RETREG2: variants seen among roughly 807,000 people sequenced by gnomAD.
RETREG2 encodes the protein reticulophagy regulator family member 2, also known as reticulophagy regulator 2.
A neutral mutation model predicts 51.6 loss-of-function variants in RETREG2; 21 were observed. The ratio of observed to expected loss-of-function variants is 0.41; its 90% CI spans 0.29 to 0.59. The LOEUF (loss-of-function observed/expected upper bound fraction) is 0.59. RETREG2 is among the 20% of genes least tolerant of loss of function. The pLI is 0.34. For synonymous variants in RETREG2, 339 were observed against 288.6 expected (o/e 1.17, Z -1.77); for missense variants, 674 against 646.0 (o/e 1.04, Z -0.47).
In RETREG2 at chr2:219,184,773, C is replaced by G. The variant is rs1023626873; in HGVS notation, c.*2144C>G. The G allele has an allele frequency of 1.3e-4, 19 of 149,824 alleles. No homozygotes were observed. Among genetic ancestry groups the G allele is most frequent in the Middle Eastern group, 3.4e-3 (1 of 290 alleles). 9.3% of individuals were successfully genotyped at this position (149,824 alleles called of 1,614,324 possible). On this transcript the variant is annotated 3_prime_UTR_variant, in exon 9 of 9. Coordinates refer to ENST00000430297, the MANE Select transcript of RETREG2 (RefSeq NM_024293.6). ...AATATTCTCCATAGGCCTGGAGTTT[C>G]ATGAGGGTCTATTCTTTTGTTGTTG... is the stretch of plus-strand genomic sequence containing the variant.
At chr2:219,178,848 C>T (rs1218119011) in intron 1 of RETREG2, 74 bp from the exon 2 acceptor site, 1 of 1,199,828 alleles carries the variant, frequency 8.3e-7, no homozygotes, top group Non-Finnish European at 1.2e-6. Flanking sequence ...TCAGTAGGCG[C>T]CTTTCCACCT....
At position 219,182,260 on chromosome 2, in the gene RETREG2, A is replaced by G. The variant is rs1432257023; in HGVS notation, c.1263A>G (p.Gly421=). The change falls in exon 9 of 9, where the codon GGA becomes GGG. Residue 421 remains glycine (G), a synonymous_variant. Coordinates refer to ENST00000430297, the MANE Select transcript of RETREG2 (RefSeq NM_024293.6). The part of the protein sequence containing the change: ...HFNGAGSPPD[G]VKCSPGGPVE... ...ATGGGGCAGGGTCCCCCCCAGATGG[A>G]GTGAAATGCTCCCCTGGAGGACCAG... 1.9e-6 allele frequency: 3 copies of G among 1,613,828 alleles called. No individual in the cohort carries two copies. In the African/African-American group the frequency reaches 4.0e-5, roughly 22 times the overall value.
rs1354432378 is a variant in RETREG2 at position 219,180,149 on chromosome 2, T to G, written c.459T>G (p.Ser153Arg). Residue 153 changes from serine (S) to arginine (R), a missense_variant, in exon 4 of 9, where the codon AGT becomes AGG. Transcript: ENST00000430297. Reference sequence around the variant, plus strand: ...CAGGCGCCCGGCCGCACCTGCTGAGTGTGCCCGAGTTGTGCAGATACCTGG... The same window carrying G: ...CAGGCGCCCGGCCGCACCTGCTGAGGGTGCCCGAGTTGTGCAGATACCTGG... ...AGSGARPHLL[S>R]VPELCRYLAE... is the part of the protein sequence containing the mutation. 6.2e-7 allele frequency: 1 copy of G among 1,614,024 alleles called. No homozygotes were observed. Among genetic ancestry groups the G allele is most frequent in the Non-Finnish European group, 8.5e-7 (1 of 1,180,030 alleles).
intron 1 of RETREG2, 133 bp from the exon 2 acceptor site, chr2:219,178,789 A>T: frequency 8.7e-7 from 1 of 1,144,422 alleles, no homozygotes; most frequent in Non-Finnish European, 1.2e-6. Flanking sequence ...ATTTTTTTCT[A>T]TCTCTGAGTC....
At chr2:219,181,873 C>A (rs945837242) in intron 8 of RETREG2, 98 bp downstream of exon 8, 1 of 1,558,550 alleles carries the variant, frequency 6.4e-7, no homozygotes, top group Admixed American at 1.9e-5. Flanking sequence ...CTCTCTAATT[C>A]TCTCAGCTCC....
At position 219,183,697 on chromosome 2, in the gene RETREG2, A is replaced by G. The variant is rs1199909721; in HGVS notation, c.*1068A>G. 1.3e-5 allele frequency: 2 copies of G among 152,236 alleles called. No homozygotes were observed. The highest frequency in any genetic ancestry group is 6.5e-5 in the Admixed American group (1 of 15,282). 9.4% of individuals were successfully genotyped at this position (152,236 alleles called of 1,614,324 possible). A position where few individuals can be genotyped will look rare whatever the true frequency, so the allele number is the denominator to read the frequency against. ...TGTGATCTGTTTAGTGAGATTTAGC[A>G]TGTGTGAATAAAGTATATGCAGGAG... On this transcript the variant is annotated 3_prime_UTR_variant, in exon 9 of 9. Transcript: ENST00000430297.
intron 5 of RETREG2, 34 bp from the exon 6 acceptor site, chr2:219,181,028 T>G (rs577941543): frequency 1.2e-6 from 2 of 1,611,136 alleles, no homozygotes; most frequent in Admixed American, 1.7e-5. Context: ...GAAATTGGCG[T>G]AGGGAGCTCT....
At chr2:219,179,163 C>T (rs1190248914) in intron 2 of RETREG2, 135 bp downstream of exon 2, 6 of 737,760 alleles carry the variant, frequency 8.1e-6, no homozygotes, top group Admixed American at 2.0e-5. Context: ...CCTTTTTGTA[C>T]GGAATTCCCT....
In RETREG2 at chr2:219,182,058, G is replaced by A. The variant is rs1950286823; in HGVS notation, c.1061G>A (p.Ser354Asn). The A allele has an allele frequency of 3.1e-6, 5 of 1,614,140 alleles. No homozygotes were observed. The highest frequency in any genetic ancestry group is 3.4e-6 in the Non-Finnish European group (4 of 1,180,018). The change falls in exon 9 of 9, where the codon AGC becomes AAC. Residue 354 changes from serine to asparagine, a missense_variant. Coordinates refer to ENST00000430297, the MANE Select transcript of RETREG2 (RefSeq NM_024293.6). ...SLPSEPEETLSRDLGEGEEGE... is the reference protein window; with the variant it reads ...SLPSEPEETLNRDLGEGEEGE... The stretch of plus-strand genomic sequence containing the variant: ...CCAAGTGAACCAGAGGAGACCCTAA[G>A]CCGGGACCTAGGGGAGGGAGAGGAG...
chr2:219,179,859 T>C (rs1950251928), intron 3 of RETREG2, 96 bp downstream of exon 3: 8 of 1,363,580 alleles, frequency 5.9e-6, no homozygotes, highest in Non-Finnish European at 3.2e-6. Context: ...CCCAGCATTG[T>C]GAATGAACTG....
rs781593249 is a variant in RETREG2 at position 219,182,064 on chromosome 2, A to G, written c.1067A>G (p.Asp356Gly). 7 of 1,614,084 alleles carry G rather than the reference A, an allele frequency of 4.3e-6. No individual in the cohort carries two copies. The South Asian group carries it at 7.7e-5, about 18-fold the overall frequency. The stretch of plus-strand genomic sequence containing the variant: ...GAACCAGAGGAGACCCTAAGCCGGG[A>G]CCTAGGGGAGGGAGAGGAGGGAGAG... The part of the protein sequence containing the change: ...PSEPEETLSR[D>G]LGEGEEGELA... Residue 356 changes from aspartate (D) to glycine (G), a missense_variant, in exon 9 of 9, where the codon GAC becomes GGC. Transcript: ENST00000430297.
intron 4 of RETREG2, 59 bp from the exon 5 acceptor site, chr2:219,180,607 TACCC>T: frequency 6.2e-7 from 1 of 1,612,098 alleles, no homozygotes. Flanking sequence ...AGTAGTTTCT[TACCC>T]AGCCGAGCGG....
In RETREG2 at chr2:219,183,979, G is replaced by T. The variant is rs180994186; in HGVS notation, c.*1350G>T. ...AACAGTTACTGAGTCCATTGTATGT[G>T]CTTGGCTCTGCTCTGAGTGATTTAT... On this transcript the variant is annotated 3_prime_UTR_variant, in exon 9 of 9. Coordinates refer to ENST00000430297, the MANE Select transcript of RETREG2 (RefSeq NM_024293.6). 4 of 152,202 alleles carry T rather than the reference G, an allele frequency of 2.6e-5. No individual in the cohort carries two copies. In the East Asian group the frequency reaches 7.7e-4, roughly 29 times the overall value. The allele number at this position is 152,202 out of a possible 1,614,324, so 9.4% of individuals were successfully genotyped here. A position where few individuals can be genotyped will look rare whatever the true frequency, so the allele number is the denominator to read the frequency against.
intron 5 of RETREG2, 100 bp downstream of exon 5, chr2:219,180,854 A>G (rs910007871): frequency 1.4e-6 from 2 of 1,427,344 alleles, no homozygotes; most frequent in Non-Finnish European, 2.0e-6. Flanking sequence ...TCAGTTTCTG[A>G]TTTGTGGAGA....
Position 219,182,458 on chromosome 2 carries a change from C to A in RETREG2, c.1461C>A (p.Leu487=). The A allele has an allele frequency of 6.2e-7, 1 of 1,613,984 alleles. No individual in the cohort carries two copies. Among genetic ancestry groups the A allele is most frequent in the South Asian group, 1.1e-5 (1 of 91,080 alleles). ...CTGCCCCTGAGGAAGAAGAGGCACT[C>A]ACCACTGAGGACTTTGAGTTGCTGG... The part of the protein sequence containing the change: ...PLPAPEEEEA[L]TTEDFELLDQ... Residue 487 remains leucine, a synonymous_variant, in exon 9 of 9, where the codon CTC becomes CTA. Coordinates refer to ENST00000430297, the MANE Select transcript of RETREG2 (RefSeq NM_024293.6).
rs746418854 is a variant in RETREG2, at chr2:219,182,525, G to A, written c.1528G>A (p.Glu510Lys). ...LEQLNAELGL[E>K]PETPPKPPDA... is the part of the protein sequence containing the mutation. Reference sequence around the variant, plus strand: ...GCAGCTGAATGCAGAGCTGGGCTTGGAGCCAGAGACACCGCCAAAACCCCC... The same window carrying A: ...GCAGCTGAATGCAGAGCTGGGCTTGAAGCCAGAGACACCGCCAAAACCCCC... Residue 510 changes from glutamate to lysine, a missense_variant, in exon 9 of 9, where the codon GAG becomes AAG. By Grantham distance (56) the Glu-to-Lys change is moderately conservative (BLOSUM62 1). Coordinates refer to ENST00000430297, the MANE Select transcript of RETREG2 (RefSeq NM_024293.6). 1 of 1,614,138 alleles carries A rather than the reference G, an allele frequency of 6.2e-7. No individual in the cohort carries two copies. The highest frequency in any genetic ancestry group is 8.5e-7 in the Non-Finnish European group (1 of 1,180,006).
At position 219,181,087 on chromosome 2, in the gene RETREG2, G is replaced by A. The variant is rs748188900; in HGVS notation, c.666G>A (p.Leu222=). Residue 222 remains leucine, a synonymous_variant, in exon 6 of 9, where the codon CTG becomes CTA. Coordinates refer to ENST00000430297, the MANE Select transcript of RETREG2 (RefSeq NM_024293.6). ...IVLLSILLWP[L]VVYHELIQRM... is the part of the protein sequence containing the mutation. ...TGTTGAGTATCCTGCTGTGGCCCCTGGTGGTTTATCATGAGCTGATCCAGA... is the reference window on the plus strand; with the variant it reads ...TGTTGAGTATCCTGCTGTGGCCCCTAGTGGTTTATCATGAGCTGATCCAGA... The A allele has an allele frequency of 3.7e-6, 6 of 1,614,118 alleles. No homozygotes were observed. Among genetic ancestry groups the A allele is most frequent in the Non-Finnish European group, 5.1e-6 (6 of 1,180,020 alleles).
At chr2:219,179,639 T>G in intron 2 of RETREG2, 94 bp from the exon 3 acceptor site, 2 of 1,229,216 alleles carry the variant, frequency 1.6e-6, no homozygotes, top group Non-Finnish European at 2.4e-6. Context: ...GAAGGTGCTC[T>G]GGGGCTGCAG....
chr2:219,179,921 G>T, intron 3 of RETREG2, 158 bp downstream of exon 3: 2 of 1,126,422 alleles, frequency 1.8e-6, no homozygotes, highest in South Asian at 1.3e-5. Context: ...AGGTGTTTGC[G>T]TGCCTGCTCC....
Sources: gnomAD v4.1 joint callset for allele counts on GRCh38, gnomAD v4.1.1 for gene constraint, MANE v1.5 for transcripts, NCBI Gene and HGNC (gene_info 2026-07-23, HGNC 2026-07-21) for gene names.